Variants in MLLT10 observed in about 807,000 individuals in gnomAD.
The protein encoded by MLLT10 is protein AF-10.
Under a neutral mutation model 129.1 loss-of-function variants are expected in MLLT10, and 30 were observed. That is an observed-to-expected ratio of 0.23 (90% CI 0.17 to 0.32). MLLT10 has a LOEUF of 0.32. MLLT10 is among the 10% of genes least tolerant of loss of function. MLLT10 has a pLI of 1.00. For synonymous variants in MLLT10, 490 were observed against 446.4 expected (o/e 1.10, Z -1.23); for missense variants, 1,119 against 1,268.3 (o/e 0.88, Z 1.79).
At chr10:21,589,582 T>C (rs1177740380) in intron 4 of MLLT10, among the ~76,000 whole-genome samples, 1 of 152,200 alleles carries the variant, frequency 6.6e-6, no homozygotes, top group East Asian at 1.9e-4. Flanking sequence ...AACATTACTA[T>C]GTGCTTTTTT....
chr10:21,689,348 G>A (rs1409323589), intron 13 of MLLT10, among the ~76,000 whole-genome samples: 1 of 151,682 alleles, frequency 6.6e-6, no homozygotes, highest in Non-Finnish European at 1.5e-5. Context: ...TGGTCAGTAG[G>A]AGTTCAAGGC....
intron 2 of MLLT10, among the ~76,000 whole-genome samples, chr10:21,536,336 A>G (rs1218798301): frequency 2.6e-5 from 4 of 152,206 alleles, no homozygotes; most frequent in African/African-American, 9.6e-5. Context: ...AGGTCATCCC[A>G]TGTTCATTGG....
At chr10:21,737,305 C>T (rs2131589552) in intron 21 of MLLT10, among the ~76,000 whole-genome samples, 1 of 152,198 alleles carries the variant, frequency 6.6e-6, no homozygotes, top group Non-Finnish European at 1.5e-5. Context: ...GTAAAGATAG[C>T]ATATGGGCAC....
intron 3 of MLLT10, among the ~76,000 whole-genome samples, chr10:21,560,943 G>A (rs755020856): frequency 6.6e-6 from 1 of 152,088 alleles, no homozygotes; most frequent in Non-Finnish European, 1.5e-5. Context: ...TGAAATGTCA[G>A]TATTCTTTAT....
intron 2 of MLLT10, among the ~76,000 whole-genome samples, chr10:21,536,839 C>T (rs1179913698): frequency 3.3e-5 from 5 of 151,998 alleles, no homozygotes; most frequent in Non-Finnish European, 7.4e-5. Flanking sequence ...GGCTGGAGTG[C>T]AATGGTGCCA....
intron 7 of MLLT10, among the ~76,000 whole-genome samples, chr10:21,615,867 G>A (rs1358913348): frequency 6.6e-6 from 1 of 152,136 alleles, no homozygotes; most frequent in Non-Finnish European, 1.5e-5. Context: ...TTCCTTTGAA[G>A]GGTCAGTATG....
In MLLT10 at chr10:21,654,117, A is replaced by G. The variant is rs117193915; in HGVS notation, c.795+2349A>G. ...TAGCCCTTTTAGTCATTTGGAGGTCATTACTGACCTTGAACAGTTTTAAAG... is the reference window on the plus strand; with the variant it reads ...TAGCCCTTTTAGTCATTTGGAGGTCGTTACTGACCTTGAACAGTTTTAAAG... On this transcript the variant is annotated intron_variant, in intron 9 of 22. Transcript: ENST00000307729. Among the ~76,000 whole-genome samples the G allele has an allele frequency of 7.8e-4, 119 of 152,340 alleles. 1 individual carries two copies. The East Asian group carries it at 0.018, about 22-fold the overall frequency.
intron 13 of MLLT10, among the ~76,000 whole-genome samples, chr10:21,708,415 A>G (rs1408814795): frequency 6.6e-6 from 1 of 152,248 alleles, no homozygotes; most frequent in Non-Finnish European, 1.5e-5. Flanking sequence ...GAAAGCAGAT[A>G]CAGAAGAATT....
At chr10:21,629,100 CT>C (rs952728826) in intron 8 of MLLT10, among the ~76,000 whole-genome samples, 226 of 142,964 alleles carry the variant, frequency 1.6e-3, no homozygotes, top group Middle Eastern at 3.5e-3. Context: ...TGGTGGCTGC[CT>C]TTTTTTTTTT....
chr10:21,566,762 A>T lies in MLLT10; in HGVS notation c.241-19532A>T, dbSNP rs1344923174. Reference sequence around the variant, plus strand: ...ACCATTTTTCTTTATTGTGTTTTGTATCTTTTTTTTTAGTTCATTGATATG... The same window carrying T: ...ACCATTTTTCTTTATTGTGTTTTGTTTCTTTTTTTTTAGTTCATTGATATG... On this transcript the variant is annotated intron_variant, in intron 3 of 22. Transcript: ENST00000307729. Among the ~76,000 whole-genome samples the T allele has an allele frequency of 2.0e-5, 3 of 151,034 alleles. No homozygotes were observed. In the East Asian group the frequency reaches 5.9e-4, roughly 30 times the overall value.
At chr10:21,616,423 T>G (rs1484896645) in intron 7 of MLLT10, among the ~76,000 whole-genome samples, 1 of 152,084 alleles carries the variant, frequency 6.6e-6, no homozygotes, top group Admixed American at 6.5e-5. Context: ...TTTTATCTAG[T>G]TTACACCAAT....
intron 9 of MLLT10, among the ~76,000 whole-genome samples, chr10:21,653,035 G>A (rs568703633): frequency 6.6e-6 from 1 of 152,324 alleles, no homozygotes; most frequent in African/African-American, 2.4e-5. Flanking sequence ...GGCATAGCAG[G>A]TTGAGGGGAA....
intron 9 of MLLT10, among the ~76,000 whole-genome samples, chr10:21,666,746 TC>T (rs760099855): frequency 6.6e-6 from 1 of 152,178 alleles, no homozygotes; most frequent in Non-Finnish European, 1.5e-5. Flanking sequence ...TGTTACTCCT[TC>T]CTTATCTCTT....
At chr10:21,565,036 A>G (rs1306251842) in intron 3 of MLLT10, among the ~76,000 whole-genome samples, 1 of 151,898 alleles carries the variant, frequency 6.6e-6, no homozygotes. Flanking sequence ...TTTCTTTTAC[A>G]TATTTTGTAG....
At chr10:21,621,279 C>G (rs2045820937) in intron 8 of MLLT10, among the ~76,000 whole-genome samples, 1 of 144,646 alleles carries the variant, frequency 6.9e-6, no homozygotes, top group Non-Finnish European at 1.5e-5. Flanking sequence ...GAGTCTCGCT[C>G]TGTTGCCTAG....
intron 13 of MLLT10, among the ~76,000 whole-genome samples, chr10:21,695,950 G>GTT (rs58949058): frequency 2.0e-4 from 26 of 131,508 alleles, no homozygotes; most frequent in Admixed American, 4.6e-4. Flanking sequence ...TTGTGTGTGG[G>GTT]TTTTTTTTTT....
intron 8 of MLLT10, chr10:21,626,084 T>G: frequency 2.5e-6 from 4 of 1,596,578 alleles, no homozygotes; most frequent in Non-Finnish European, 3.4e-6. Context: ...ATCAGGTCCC[T>G]TTGTGGACTC....
chr10:21,539,702 G>T (rs71488410), intron 3 of MLLT10, among the ~76,000 whole-genome samples: 1 of 152,182 alleles, frequency 6.6e-6, no homozygotes, highest in Non-Finnish European at 1.5e-5. Flanking sequence ...CCGGGAGGTA[G>T]AGGTTGCAGT....
Position 21,670,585 on chromosome 10 carries a change from G to C in MLLT10, c.932G>C (p.Arg311Thr), listed in dbSNP as rs1196330479. The C allele has an allele frequency of 5.0e-6, 8 of 1,614,204 alleles. No homozygotes were observed. Among genetic ancestry groups the C allele is most frequent in the Admixed American group, 3.3e-5 (2 of 60,032 alleles). ...TSSGKDVSET[R>T]GSEGKGKKSS... ...AGTGGAAAAGATGTTTCAGAGACTA[G>C]AGGGTCAGAGGGCAAAGGGAAGAAA... Residue 311 changes from arginine (R) to threonine (T), a missense_variant, in exon 10 of 23, where the codon AGA becomes ACA. By Grantham distance (71) the Arg-to-Thr change is moderately conservative. Around this residue, in one of 5 missense-constraint regions of MLLT10, gnomAD observed 1,004 missense variants for 1,008.7 expected, o/e 1.00. Coordinates refer to ENST00000307729, the MANE Select transcript of MLLT10 (RefSeq NM_001195626.3).
Sources: gnomAD v4.1 joint callset for allele counts (sites outside exome capture counted in the v4.1 genomes callset) on GRCh38, gnomAD v4.1.1 for gene constraint, gnomAD v4.1.1 regional missense constraint, MANE v1.5 for transcripts, NCBI Gene and HGNC (gene_info 2026-07-23, HGNC 2026-07-21) for gene names.